The following MSH3 variants were observed in gnomAD, a reference collection of about 807,000 sequenced individuals.
The protein encoded by MSH3 is mutS homolog 3, also known as DNA mismatch repair protein Msh3.
A neutral mutation model predicts 123.3 loss-of-function variants in MSH3; 106 were observed. The ratio of observed to expected loss-of-function variants is 0.86; its 90% confidence interval spans 0.73 to 1.01. The LOEUF is 1.01. Among genes scored for constraint, MSH3 ranks in the 50% least tolerant of loss-of-function variants. The pLI is 0.00. For synonymous variants in MSH3, 515 were observed against 481.4 expected, an observed-to-expected ratio of 1.07 and a Z score of -0.91; for missense variants, 1,459 against 1,347.6, an observed-to-expected ratio of 1.08 and a Z score of -1.29.
At chr5:80,814,020 G>C (rs1215731920) in intron 20 of MSH3, among the ~76,000 whole-genome samples, 1 of 151,608 alleles carries the variant, frequency 6.6e-6, no homozygotes, top group Non-Finnish European at 1.5e-5. Flanking sequence ...AATTAGCCAG[G>C]AACCTGAGGT....
Position 80,840,574 on chromosome 5 carries a change from C to T in MSH3, c.2814-13556C>T, listed in dbSNP as rs569446563. On this transcript the variant is annotated intron_variant, in intron 20 of 23. Coordinates refer to ENST00000265081, the MANE Select transcript of MSH3 (RefSeq NM_002439.5). ...GATTATAGGCACTTGCCACCACACC[C>T]GGCTAATTTTTGGGTTTTTGTTGTT... 8.5e-5 allele frequency among the ~76,000 whole-genome samples: 13 copies of T among 152,126 alleles called. No homozygotes were observed. The South Asian group carries it at 1.2e-3, about 15-fold the overall frequency.
intron 16 of MSH3, among the ~76,000 whole-genome samples, chr5:80,777,042 C>T (rs1353296073): frequency 6.6e-6 from 1 of 151,468 alleles, no homozygotes; most frequent in African/African-American, 2.4e-5. Context: ...AATGATTCTC[C>T]TGCCTCAGCC....
intron 20 of MSH3, among the ~76,000 whole-genome samples, chr5:80,823,965 T>C (rs1244125506): frequency 3.9e-5 from 6 of 152,312 alleles, no homozygotes; most frequent in East Asian, 1.9e-4. Flanking sequence ...TTAATCCATT[T>C]AACCCTGAGT....
At chr5:80,668,813 G>T (rs1282865464) in intron 3 of MSH3, among the ~76,000 whole-genome samples, 1 of 152,148 alleles carries the variant, frequency 6.6e-6, no homozygotes, top group Non-Finnish European at 1.5e-5. Flanking sequence ...AGAGCACAGG[G>T]ATGCCCAGGT....
chr5:80,672,182 C>A, intron 4 of MSH3, 62 bp from the exon 5 acceptor site: 1 of 1,177,420 alleles, frequency 8.5e-7, no homozygotes, highest in Non-Finnish European at 1.3e-6. Flanking sequence ...TAAAGTGAAC[C>A]AACATCACAT....
chr5:80,865,312 A>T (rs2112119014), intron 22 of MSH3, among the ~76,000 whole-genome samples: 1 of 152,196 alleles, frequency 6.6e-6, no homozygotes, highest in East Asian at 1.9e-4. Flanking sequence ...ATCTTTTAAA[A>T]ACGCCCAATA....
intron 8 of MSH3, among the ~76,000 whole-genome samples, chr5:80,706,571 C>G (rs1198542250): frequency 6.6e-6 from 1 of 152,002 alleles, no homozygotes; most frequent in Non-Finnish European, 1.5e-5. Flanking sequence ...AAAGATTTAC[C>G]ATGTGTTAGG....
intron 23 of MSH3, among the ~76,000 whole-genome samples, chr5:80,874,686 C>A (rs1009739987): frequency 6.6e-6 from 1 of 151,916 alleles, no homozygotes; most frequent in African/African-American, 2.4e-5. Context: ...TCTAAATTTG[C>A]TGTAGAAATA....
At chr5:80,790,570 A>G (rs1444891699) in intron 18 of MSH3, among the ~76,000 whole-genome samples, 3 of 152,176 alleles carry the variant, frequency 2.0e-5, no homozygotes, top group Non-Finnish European at 2.9e-5. Context: ...AAAAGTCTAA[A>G]ATGAAAAGAA....
At chr5:80,746,533 A>G in intron 12 of MSH3, 1 of 458,502 alleles carries the variant, frequency 2.2e-6, no homozygotes, top group South Asian at 1.6e-5. Flanking sequence ...TACAAAAAGT[A>G]TTCCTTGATC....
chr5:80,669,005 G>C (rs1274207132), intron 3 of MSH3, among the ~76,000 whole-genome samples: 2 of 152,204 alleles, frequency 1.3e-5, no homozygotes, highest in Non-Finnish European at 2.9e-5. Context: ...TGCTCCAGAT[G>C]GGCTGCCATT....
intron 4 of MSH3, among the ~76,000 whole-genome samples, chr5:80,671,559 G>A (rs1191503397): frequency 1.3e-5 from 2 of 152,156 alleles, no homozygotes; most frequent in Non-Finnish European, 1.5e-5. Context: ...TAGGTTAAAC[G>A]GTAAATTCAG....
At chr5:80,735,157 G>A (rs550562129) in intron 10 of MSH3, among the ~76,000 whole-genome samples, 1 of 152,216 alleles carries the variant, frequency 6.6e-6, no homozygotes, top group Non-Finnish European at 1.5e-5. Context: ...GGTGAGGTGG[G>A]CAGATCACCT....
At chr5:80,703,485 A>G (rs985894680) in intron 8 of MSH3, among the ~76,000 whole-genome samples, 7 of 152,060 alleles carry the variant, frequency 4.6e-5, no homozygotes, top group Non-Finnish European at 1.0e-4. Flanking sequence ...GTTGATTGTC[A>G]GATTCTGCCT....
intron 11 of MSH3, among the ~76,000 whole-genome samples, chr5:80,742,126 C>T (rs1384760753): frequency 6.6e-6 from 1 of 152,108 alleles, no homozygotes; most frequent in African/African-American, 2.4e-5. Flanking sequence ...TCTCCTGCCT[C>T]AGCCTCCTAA....
rs373183199 is a variant in MSH3 at position 80,805,877 on chromosome 5, G to A, written c.2656-7707G>A. On this transcript the variant is annotated intron_variant, in intron 19 of 23. Coordinates refer to ENST00000265081, the MANE Select transcript of MSH3 (RefSeq NM_002439.5). ...GCTGGGATTACAGGCGTGGGACACC[G>A]CACCCGGCCCCAATATGATGCCTTT... is the stretch of plus-strand genomic sequence containing the variant. 5.5e-4 allele frequency among the ~76,000 whole-genome samples: 83 copies of A among 152,032 alleles called. 1 individual carries two copies. The highest frequency in any genetic ancestry group is 1.7e-3 in the African/African-American group (72 of 41,468).
intron 8 of MSH3, among the ~76,000 whole-genome samples, chr5:80,701,482 G>C (rs1750609120): frequency 6.6e-6 from 1 of 152,208 alleles, no homozygotes; most frequent in Non-Finnish European, 1.5e-5. Context: ...GGTGTAACCT[G>C]ACAGCAATGT....
intron 18 of MSH3, among the ~76,000 whole-genome samples, chr5:80,792,369 T>C (rs953870217): frequency 1.3e-5 from 2 of 150,646 alleles, no homozygotes; most frequent in Non-Finnish European, 1.5e-5. Flanking sequence ...CTGTGAATAG[T>C]CACTGCACTG....
intron 19 of MSH3, among the ~76,000 whole-genome samples, chr5:80,810,195 A>AT (rs70991187): frequency 4.8e-5 from 7 of 146,024 alleles, no homozygotes; most frequent in African/African-American, 1.3e-4. Flanking sequence ...ATATATATAT[A>AT]AACTAGTAGC....
Sources: allele counts gnomAD v4.1 joint callset (sites outside exome capture counted in the v4.1 genomes callset), GRCh38; gene constraint gnomAD v4.1.1; transcripts MANE v1.5; gene names NCBI Gene and HGNC (gene_info 2026-07-23, HGNC 2026-07-21).